The following RNGTT variants were observed in gnomAD, a reference collection of about 807,000 sequenced individuals.
RNGTT encodes mRNA-capping enzyme.
A neutral mutation model predicts 79.3 loss-of-function variants in RNGTT; 33 were observed. The ratio of observed to expected loss-of-function variants is 0.42; its 90% CI spans 0.32 to 0.56. RNGTT has a LOEUF of 0.56. Among genes scored for constraint, RNGTT ranks in the 20% least tolerant of loss-of-function variants. RNGTT has a pLI of 0.17. For missense variants in RNGTT, 497 were observed against 739.1 expected, an observed-to-expected ratio of 0.67 and a Z score of 3.80; for synonymous variants, 222 against 235.9, an observed-to-expected ratio of 0.94 and a Z score of 0.54.
At position 88,952,749 on chromosome 6, in the gene RNGTT, T is replaced by C. The variant is rs908817230; in HGVS notation, c.64+10597A>G. 2.8e-4 allele frequency among the ~76,000 whole-genome samples: 42 copies of C among 152,212 alleles called. 1 individual carries two copies. The highest frequency in any genetic ancestry group is 7.3e-5 in the Non-Finnish European group (5 of 68,038). On this transcript the variant is annotated intron_variant, in intron 1 of 15. Coordinates refer to ENST00000369485, the MANE Select transcript of RNGTT (RefSeq NM_003800.5). ...CCACCCCTACCAGAGCAGGTGCTGG[T>C]ATCAATGGCTGGGACACCTGAAGAT... is the stretch of plus-strand genomic sequence containing the variant.
intron 14 of RNGTT, among the ~76,000 whole-genome samples, chr6:88,668,119 C>A (rs114813031): frequency 0.025 from 3,759 of 152,250 alleles, 140 homozygotes; most frequent in African/African-American, 0.085. Flanking sequence ...GCTTATTCTC[C>A]CCAGTTTACC....
chr6:88,901,495 C>CTTTTTTTTTTTTTTT lies in RNGTT; in HGVS notation c.684+3205_684+3219dup, dbSNP rs71024314. Among the ~76,000 whole-genome samples the CTTTTTTTTTTTTTTT allele has an allele frequency of 2.0e-3, 131 of 65,806 alleles. 14 individuals are homozygous for CTTTTTTTTTTTTTTT. The highest frequency in any genetic ancestry group is 2.3e-3 in the African/African-American group (33 of 14,056). The allele number at this position is 65,806 out of a possible 152,430, so 43.2% of individuals were successfully genotyped here. The stretch of plus-strand genomic sequence containing the variant: ...AAAAATAACTGTCAAGCACCCTGAT[C>CTTTTTTTTTTTTTTT]TTTTTTTTTTTTTTTTTTTTTTTTT... On this transcript the variant is annotated intron_variant, in intron 6 of 15. Transcript: ENST00000369485.
chr6:88,838,939 C>A (rs1303646184), intron 11 of RNGTT, among the ~76,000 whole-genome samples: 1 of 151,946 alleles, frequency 6.6e-6, no homozygotes, highest in Non-Finnish European at 1.5e-5. Flanking sequence ...AACAGACAGT[C>A]TAGAAACAGA....
chr6:88,656,216 T>A (rs1424386186), intron 14 of RNGTT, among the ~76,000 whole-genome samples: 2 of 152,214 alleles, frequency 1.3e-5, no homozygotes, highest in Admixed American at 1.3e-4. Flanking sequence ...AAATCCTAAG[T>A]GGCATACATC....
At chr6:88,846,853 C>G (rs1163729534) in intron 10 of RNGTT, among the ~76,000 whole-genome samples, 1 of 152,060 alleles carries the variant, frequency 6.6e-6, no homozygotes, top group Non-Finnish European at 1.5e-5. Flanking sequence ...CTTTCTCGGT[C>G]TGCAATTCCA....
chr6:88,931,765 C>T (rs779143689), intron 2 of RNGTT, among the ~76,000 whole-genome samples: 14 of 152,112 alleles, frequency 9.2e-5, no homozygotes, highest in Non-Finnish European at 1.8e-4. Flanking sequence ...ACAGAGGGAC[C>T]GGCTGAAGCC....
intron 11 of RNGTT, among the ~76,000 whole-genome samples, chr6:88,836,178 T>C (rs1161698458): frequency 1.3e-5 from 2 of 150,824 alleles, no homozygotes; most frequent in African/African-American, 2.4e-5. Flanking sequence ...CTCTTTAGTA[T>C]GCATTATATG....
In RNGTT at chr6:88,723,885, C is replaced by T. The variant is rs539593729; in HGVS notation, c.1440-45466G>A. Among the ~76,000 whole-genome samples the T allele has an allele frequency of 1.4e-3, 211 of 152,112 alleles. 5 individuals carry two copies. The highest frequency in any genetic ancestry group is 4.1e-3 in the African/African-American group (171 of 41,480). On this transcript the variant is annotated intron_variant, in intron 13 of 15. Transcript: ENST00000369485. Reference sequence around the variant, plus strand: ...GATTACAAGCACGCCCCACCATGCCCGGCTAATTTTTGTATTTTTAGTAGA... The same window carrying T: ...GATTACAAGCACGCCCCACCATGCCTGGCTAATTTTTGTATTTTTAGTAGA...
chr6:88,716,258 C>T (rs1330061068), intron 13 of RNGTT, among the ~76,000 whole-genome samples: 1 of 151,844 alleles, frequency 6.6e-6, no homozygotes, highest in Non-Finnish European at 1.5e-5. Flanking sequence ...AAATCAAAAC[C>T]ACAATGAGAT....
intron 12 of RNGTT, among the ~76,000 whole-genome samples, chr6:88,771,296 T>C (rs1228719939): frequency 3.7e-5 from 3 of 81,010 alleles, no homozygotes; most frequent in African/African-American, 9.2e-5. Context: ...CAGGACTGTA[T>C]GTATGTATGT....
At position 88,853,733 on chromosome 6, in the gene RNGTT, C is replaced by G. The variant is rs1011363895; in HGVS notation, c.928G>C (p.Val310Leu). ...YMMLIDGTNE[V>L]FMIDRDNSVF... is the part of the protein sequence containing the mutation. ...GAATTGTCTCTATCAATCATAAAAA[C>G]TTCATTTGTGCCATCAATCAACATC... Residue 310 changes from valine to leucine, a missense_variant, in exon 9 of 16, where the codon GTT (valine) becomes CTT (leucine). Val to Leu is a conservative substitution (Grantham distance 32, BLOSUM62 1). Around this residue, in one of 3 missense-constraint regions of RNGTT, gnomAD observed 440 missense variants for 671.5 expected, o/e 0.66. Transcript: ENST00000369485. The G allele has an allele frequency of 6.4e-7, 1 of 1,572,180 alleles. No homozygotes were observed.
rs9344893 is a variant in RNGTT at position 88,962,459 on chromosome 6, C to T, written c.64+887G>A. ...CCAGCCTGGGCAACACAGTGAAACC[C>T]TGTCTCCACAAAAAATAAACAAAAA... On this transcript the variant is annotated intron_variant, in intron 1 of 15. Coordinates refer to ENST00000369485, the MANE Select transcript of RNGTT (RefSeq NM_003800.5). Among the ~76,000 whole-genome samples, 74 of 152,272 alleles carry T rather than the reference C, an allele frequency of 4.9e-4. 2 individuals are homozygous for T. In the East Asian group the frequency reaches 0.014, roughly 29 times the overall value.
chr6:88,878,037 T>A (rs2127925442), intron 8 of RNGTT, among the ~76,000 whole-genome samples: 1 of 152,230 alleles, frequency 6.6e-6, no homozygotes, highest in East Asian at 1.9e-4. Flanking sequence ...ATAATTTCCA[T>A]TATTATGAGG....
chr6:88,764,869 A>G (rs1778398300), intron 13 of RNGTT, among the ~76,000 whole-genome samples: 1 of 152,164 alleles, frequency 6.6e-6, no homozygotes, highest in South Asian at 2.1e-4. Flanking sequence ...AAAAGGGACA[A>G]TGTTATTATT....
At chr6:88,841,487 A>G (rs1164130868) in intron 11 of RNGTT, among the ~76,000 whole-genome samples, 1 of 152,020 alleles carries the variant, frequency 6.6e-6, no homozygotes, top group Non-Finnish European at 1.5e-5. Context: ...TATCATAACC[A>G]CCCTCCTCCC....
At chr6:88,866,441 A>G (rs564335661) in intron 8 of RNGTT, among the ~76,000 whole-genome samples, 2 of 152,318 alleles carry the variant, frequency 1.3e-5, no homozygotes, top group South Asian at 4.1e-4. Context: ...AAAACTAGTT[A>G]CATTACCTCC....
chr6:88,669,170 T>A (rs917874309), intron 14 of RNGTT, among the ~76,000 whole-genome samples: 2 of 151,898 alleles, frequency 1.3e-5, no homozygotes, highest in Non-Finnish European at 2.9e-5. Flanking sequence ...CAAGGGGAGA[T>A]CCACAAGCGC....
chr6:88,846,095 T>C (rs1781474029), intron 10 of RNGTT, among the ~76,000 whole-genome samples: 1 of 152,062 alleles, frequency 6.6e-6, no homozygotes, highest in Non-Finnish European at 1.5e-5. Flanking sequence ...TTCACCAAAC[T>C]TCAAGAATAG....
intron 12 of RNGTT, among the ~76,000 whole-genome samples, chr6:88,785,854 G>T (rs1582458947): frequency 6.6e-6 from 1 of 152,038 alleles, no homozygotes; most frequent in Non-Finnish European, 1.5e-5. Context: ...TATTTCAAAA[G>T]AATGCAATAT....
Sources: allele counts gnomAD v4.1 joint callset (sites outside exome capture counted in the v4.1 genomes callset), GRCh38; gene constraint gnomAD v4.1.1; regional missense constraint gnomAD v4.1.1; transcripts MANE v1.5; gene names NCBI Gene and HGNC (gene_info 2026-07-23, HGNC 2026-07-21).